The following MAGI2 variants were observed in gnomAD, a reference collection of about 807,000 sequenced individuals.
MAGI2 encodes membrane associated guanylate kinase, WW and PDZ domain containing 2.
In MAGI2, 35 loss-of-function variants were observed where a neutral mutation model predicts 133.3. The observed-to-expected ratio is 0.26, with a 90% confidence interval of 0.20 to 0.35. MAGI2 has a LOEUF of 0.35. Among genes scored for constraint, MAGI2 ranks in the 10% least tolerant of loss-of-function variants. MAGI2 has a pLI of 1.00. For synonymous variants in MAGI2, 729 were observed against 710.6 expected, an observed-to-expected ratio of 1.03 and a Z score of -0.41; for missense variants, 1,636 against 1,863.4, an observed-to-expected ratio of 0.88 and a Z score of 2.25.
intron 1 of MAGI2, among the ~76,000 whole-genome samples, chr7:79,165,436 C>A (rs1824818761): frequency 6.6e-6 from 1 of 151,974 alleles, no homozygotes; most frequent in Non-Finnish European, 1.5e-5. Context: ...CCATGCAGTT[C>A]TGGGATCCAA....
In MAGI2 at chr7:78,448,280, G is replaced by C. The variant is rs535249287; in HGVS notation, c.1045+41481C>G. 3.3e-5 allele frequency among the ~76,000 whole-genome samples: 5 copies of C among 152,070 alleles called. No individual in the cohort carries two copies. The East Asian group carries it at 9.7e-4, about 29-fold the overall frequency. Reference sequence around the variant, plus strand: ...TTGACAAGCTGATTTCGTTTCCTTTGAGTATATACCCAGTAGTCGAATTGC... The same window carrying C: ...TTGACAAGCTGATTTCGTTTCCTTTCAGTATATACCCAGTAGTCGAATTGC... On this transcript the variant is annotated intron_variant, in intron 6 of 21. Coordinates refer to ENST00000354212, the MANE Select transcript of MAGI2 (RefSeq NM_012301.4).
intron 16 of MAGI2, among the ~76,000 whole-genome samples, chr7:78,146,733 A>G (rs1277865623): frequency 3.3e-5 from 5 of 152,180 alleles, no homozygotes; most frequent in South Asian, 2.1e-4. Context: ...AGCAGGCCCA[A>G]TAGAAATGGT....
intron 1 of MAGI2, among the ~76,000 whole-genome samples, chr7:79,197,775 G>A (rs1451698119): frequency 6.6e-6 from 1 of 151,996 alleles, no homozygotes; most frequent in Non-Finnish European, 1.5e-5. Flanking sequence ...CTTCAGGGAA[G>A]GCACTTTGTT....
intron 2 of MAGI2, among the ~76,000 whole-genome samples, chr7:78,681,550 G>T (rs78670007): frequency 2.0e-5 from 3 of 152,040 alleles, no homozygotes; most frequent in Admixed American, 2.0e-4. Flanking sequence ...AGAACCAATA[G>T]AACCAAATCT....
chr7:79,434,379 C>A (rs1462404619), intron 1 of MAGI2, among the ~76,000 whole-genome samples: 1 of 152,080 alleles, frequency 6.6e-6, no homozygotes, highest in Non-Finnish European at 1.5e-5. Context: ...AAAACAGAAA[C>A]AGATACTTTT....
chr7:79,078,532 C>T (rs1214235310), intron 1 of MAGI2, among the ~76,000 whole-genome samples: 3 of 152,126 alleles, frequency 2.0e-5, no homozygotes, highest in Non-Finnish European at 4.4e-5. Flanking sequence ...GACTGAAAAT[C>T]ACAAAGTCTA....
chr7:78,454,653 A>C (rs1242706685), intron 6 of MAGI2, among the ~76,000 whole-genome samples: 1 of 152,200 alleles, frequency 6.6e-6, no homozygotes, highest in Non-Finnish European at 1.5e-5. Flanking sequence ...ATTTGCCAAA[A>C]ACTGGAAGTA....
intron 1 of MAGI2, among the ~76,000 whole-genome samples, chr7:79,146,256 T>A (rs911660797): frequency 6.6e-6 from 1 of 152,142 alleles, no homozygotes; most frequent in Non-Finnish European, 1.5e-5. Context: ...GAAGATTAAG[T>A]TTGGATTTTT....
At position 79,280,309 on chromosome 7, in the gene MAGI2, A is replaced by G. The variant is rs80070597; in HGVS notation, c.301+172711T>C. ...ACAATGAGAGGGCAAAGCAAAGATAACAGTTGGAAAAAGGAAGTGTGTGAG... is the reference window on the plus strand; with the variant it reads ...ACAATGAGAGGGCAAAGCAAAGATAGCAGTTGGAAAAAGGAAGTGTGTGAG... On this transcript the variant is annotated intron_variant, in intron 1 of 21. Coordinates refer to ENST00000354212, the MANE Select transcript of MAGI2 (RefSeq NM_012301.4). Among the ~76,000 whole-genome samples, 852 of 152,308 alleles carry G rather than the reference A, an allele frequency of 5.6e-3. 6 individuals are homozygous for G. The highest frequency in any genetic ancestry group is 0.02 in the African/African-American group (822 of 41,580).
At chr7:78,511,856 G>C (rs765304645) in intron 4 of MAGI2, among the ~76,000 whole-genome samples, 1 of 151,592 alleles carries the variant, frequency 6.6e-6, no homozygotes, top group Non-Finnish European at 1.5e-5. Flanking sequence ...AGCACTTTGG[G>C]AGGCCGAGGT....
At chr7:79,035,419 G>A (rs954971411) in intron 1 of MAGI2, among the ~76,000 whole-genome samples, 9 of 152,206 alleles carry the variant, frequency 5.9e-5, no homozygotes, top group African/African-American at 2.2e-4. Flanking sequence ...CACATTATTA[G>A]TAAAATAGTT....
At chr7:78,800,297 A>C (rs573380269) in intron 2 of MAGI2, among the ~76,000 whole-genome samples, 1 of 152,250 alleles carries the variant, frequency 6.6e-6, no homozygotes, top group South Asian at 2.1e-4. Context: ...GTGGGTAGGC[A>C]TGAGGGGTGA....
intron 2 of MAGI2, among the ~76,000 whole-genome samples, chr7:78,655,937 C>T (rs536291795): frequency 7.0e-6 from 1 of 142,706 alleles, no homozygotes; most frequent in East Asian, 2.2e-4. Context: ...GCCGAGATCG[C>T]GCCACTGCAC....
intron 1 of MAGI2, among the ~76,000 whole-genome samples, chr7:79,030,964 G>T (rs191598378): frequency 2.0e-5 from 3 of 152,112 alleles, no homozygotes; most frequent in Admixed American, 2.0e-4. Flanking sequence ...GTGGCTCTCA[G>T]GAACAGAATC....
chr7:78,940,057 T>A (rs1057275021), intron 2 of MAGI2, among the ~76,000 whole-genome samples: 3 of 152,162 alleles, frequency 2.0e-5, no homozygotes, highest in African/African-American at 7.2e-5. Flanking sequence ...AATTGCCTCA[T>A]CCCCATGTGT....
chr7:78,507,054 T>C (rs893043321), intron 4 of MAGI2, among the ~76,000 whole-genome samples: 1 of 152,194 alleles, frequency 6.6e-6, no homozygotes, highest in African/African-American at 2.4e-5. Flanking sequence ...AGCATTAAAG[T>C]AGCAAACATG....
rs1438166522 is a variant in MAGI2, at chr7:78,342,923, C to T, written c.1408+855G>A. On this transcript the variant is annotated intron_variant, in intron 9 of 21. Coordinates refer to ENST00000354212, the MANE Select transcript of MAGI2 (RefSeq NM_012301.4). The stretch of plus-strand genomic sequence containing the variant: ...TGTATACCTATGTAACAAACCTGCT[C>T]GTTCTGCACATGTACCCCAGAACTT... 4.6e-5 allele frequency among the ~76,000 whole-genome samples: 7 copies of T among 152,112 alleles called. No homozygotes were observed. In the South Asian group the frequency reaches 1.2e-3, roughly 27 times the overall value.
chr7:78,698,039 A>G (rs530036782), intron 2 of MAGI2, among the ~76,000 whole-genome samples: 14 of 152,338 alleles, frequency 9.2e-5, no homozygotes, highest in African/African-American at 3.4e-4. Flanking sequence ...TAATCTAGAA[A>G]TAATTTCCAT....
chr7:79,424,307 C>T (rs549195687), intron 1 of MAGI2, among the ~76,000 whole-genome samples: 2 of 151,060 alleles, frequency 1.3e-5, no homozygotes, highest in South Asian at 4.2e-4. Context: ...GTGAAATAAG[C>T]CAGGCACAGA....
Sources: gnomAD v4.1 joint callset for allele counts (sites outside exome capture counted in the v4.1 genomes callset) on GRCh38, gnomAD v4.1.1 for gene constraint, MANE v1.5 for transcripts, NCBI Gene and HGNC (gene_info 2026-07-23, HGNC 2026-07-21) for gene names.